The following GPC6 variants were observed in gnomAD, a reference collection of about 807,000 sequenced individuals.
GPC6 encodes the protein glypican 6, also known as glypican-6.
A neutral mutation model predicts 55.2 loss-of-function variants in GPC6; 14 were observed. The ratio of observed to expected loss-of-function variants is 0.25; its 90% confidence interval spans 0.17 to 0.40. GPC6 has a LOEUF of 0.40. Among genes scored for constraint, GPC6 ranks in the 10% least tolerant of loss-of-function variants. GPC6 has a pLI of 1.00. For missense variants in GPC6, 641 were observed against 708.5 expected, an observed-to-expected ratio of 0.90 and a Z score of 1.08; for synonymous variants, 278 against 259.6, an observed-to-expected ratio of 1.07 and a Z score of -0.68.
intron 3 of GPC6, among the ~76,000 whole-genome samples, chr13:93,846,705 T>G (rs1432220540): frequency 6.6e-6 from 1 of 152,070 alleles, no homozygotes; most frequent in African/African-American, 2.4e-5. Flanking sequence ...TCCCAGCTAC[T>G]CGGGAGACTG....
chr13:94,359,357 A>C (rs1229070146), intron 6 of GPC6, among the ~76,000 whole-genome samples: 1 of 152,222 alleles, frequency 6.6e-6, no homozygotes, highest in Non-Finnish European at 1.5e-5. Context: ...TCATTTATGG[A>C]TCACCATGGC....
intron 4 of GPC6, among the ~76,000 whole-genome samples, chr13:94,228,165 TTC>T (rs1890614464): frequency 6.6e-6 from 1 of 152,120 alleles, no homozygotes; most frequent in Non-Finnish European, 1.5e-5. Flanking sequence ...GAGGAGACAG[TTC>T]TCTTTCTAAT....
chr13:93,322,761 CTTG>C (rs926832756), intron 1 of GPC6, among the ~76,000 whole-genome samples: 14 of 151,910 alleles, frequency 9.2e-5, no homozygotes, highest in Admixed American at 3.9e-4. Flanking sequence ...TTTTGTTGTT[CTTG>C]TTGTTGTTGT....
At chr13:93,835,218 C>T (rs1306003517) in intron 3 of GPC6, among the ~76,000 whole-genome samples, 7 of 152,122 alleles carry the variant, frequency 4.6e-5, no homozygotes. Context: ...CTTGAGGAGG[C>T]CGAGGCAGGT....
At chr13:93,836,089 C>T (rs963471260) in intron 3 of GPC6, 1 of 152,112 alleles carries the variant, frequency 6.6e-6, no homozygotes, top group East Asian at 1.9e-4. Context: ...TGTTTTTGCT[C>T]GAAGAGCCTC....
chr13:93,533,022 G>T (rs2139415775), intron 1 of GPC6, among the ~76,000 whole-genome samples: 1 of 152,290 alleles, frequency 6.6e-6, no homozygotes. Context: ...CCTAAAACCT[G>T]TGTGAAAGTT....
At chr13:94,151,380 T>C (rs971333524) in intron 4 of GPC6, among the ~76,000 whole-genome samples, 3 of 152,280 alleles carry the variant, frequency 2.0e-5, no homozygotes, top group South Asian at 4.2e-4. Flanking sequence ...TTAAGACCTT[T>C]TATATCTGTC....
At chr13:94,197,398 T>G (rs1333253) in intron 4 of GPC6, among the ~76,000 whole-genome samples, 101,289 of 152,042 alleles carry the variant, frequency 0.67, 34,978 homozygotes, top group African/African-American at 0.85. Context: ...AAACTGGGTG[T>G]CTTAAACAAC....
At chr13:93,726,091 C>G (rs1883625169) in intron 2 of GPC6, among the ~76,000 whole-genome samples, 1 of 141,064 alleles carries the variant, frequency 7.1e-6, no homozygotes, top group East Asian at 2.1e-4. Context: ...AAAATAAAGA[C>G]TTTTTCCTTC....
intron 4 of GPC6, among the ~76,000 whole-genome samples, chr13:94,065,492 G>A (rs1884485922): frequency 6.6e-6 from 1 of 152,182 alleles, no homozygotes; most frequent in Non-Finnish European, 1.5e-5. Flanking sequence ...ACATGGGACA[G>A]AAATAATGCA....
intron 1 of GPC6, among the ~76,000 whole-genome samples, chr13:93,313,814 C>T (rs2139112381): frequency 6.6e-6 from 1 of 152,164 alleles, no homozygotes; most frequent in East Asian, 1.9e-4. Context: ...CTACAGGTAT[C>T]TACCATTGTG....
In GPC6 at chr13:94,024,947, C is replaced by T. The variant is rs899195176; in HGVS notation, c.712-2782C>T. ...ATAAGCACTTAACAAATACCCAAGT[C>T]ATCATTGTAATACCTTATATGATGT... On this transcript the variant is annotated intron_variant, in intron 3 of 8. Transcript: ENST00000377047. 2.6e-5 allele frequency among the ~76,000 whole-genome samples: 4 copies of T among 152,134 alleles called. No individual in the cohort carries two copies. The South Asian group carries it at 6.2e-4, about 24-fold the overall frequency.
chr13:93,551,558 A>C (rs2139442600), intron 2 of GPC6, among the ~76,000 whole-genome samples: 1 of 152,330 alleles, frequency 6.6e-6, no homozygotes, highest in African/African-American at 2.4e-5. Context: ...AGGTGGAGGC[A>C]GAATGCTCCT....
chr13:93,358,584 C>T (rs2080077152), intron 1 of GPC6, among the ~76,000 whole-genome samples: 1 of 152,120 alleles, frequency 6.6e-6, no homozygotes, highest in South Asian at 2.1e-4. Flanking sequence ...CATTGAAAAA[C>T]CCATCTTGAA....
chr13:93,341,307 C>G (rs1342377433), intron 1 of GPC6, among the ~76,000 whole-genome samples: 1 of 152,146 alleles, frequency 6.6e-6, no homozygotes, highest in South Asian at 2.1e-4. Context: ...ACTTTTTGTT[C>G]TTTAAGGAAT....
At chr13:94,006,546 T>C (rs968300907) in intron 3 of GPC6, among the ~76,000 whole-genome samples, 3 of 152,154 alleles carry the variant, frequency 2.0e-5, no homozygotes, top group Admixed American at 6.5e-5. Flanking sequence ...TTACGCTAGT[T>C]GAAGTAAACA....
intron 1 of GPC6, among the ~76,000 whole-genome samples, chr13:93,317,307 C>T (rs1879279456): frequency 6.6e-6 from 1 of 152,080 alleles, no homozygotes; most frequent in African/African-American, 2.4e-5. Context: ...TTATCAGACA[C>T]CTCAATGTTT....
intron 2 of GPC6, among the ~76,000 whole-genome samples, chr13:93,560,744 C>G (rs1042117437): frequency 6.9e-6 from 1 of 144,320 alleles, no homozygotes; most frequent in African/African-American, 2.6e-5. Flanking sequence ...CCAGCCTGGG[C>G]GACAGAGCGA....
intron 4 of GPC6, among the ~76,000 whole-genome samples, chr13:94,101,749 A>T (rs1269094154): frequency 6.6e-6 from 1 of 152,066 alleles, no homozygotes; most frequent in African/African-American, 2.4e-5. Context: ...TCTAAAATGT[A>T]AATGTTTGTT....
Sources: allele counts gnomAD v4.1 joint callset (sites outside exome capture counted in the v4.1 genomes callset), GRCh38; gene constraint gnomAD v4.1.1; transcripts MANE v1.5; gene names NCBI Gene and HGNC (gene_info 2026-07-23, HGNC 2026-07-21).